SORCS1: variants seen among roughly 807,000 people sequenced by gnomAD.
The protein encoded by SORCS1 is VPS10 domain-containing receptor SorCS1.
A neutral mutation model predicts 146.1 loss-of-function variants in SORCS1; 60 were observed. That is an observed-to-expected ratio of 0.41 (90% CI 0.33 to 0.51). The LOEUF is 0.51. Ranked by LOEUF, SORCS1 falls within the 20% of genes least tolerant of loss-of-function variation. The pLI is 0.21. For missense variants in SORCS1, 1,352 were observed against 1,487.6 expected, an observed-to-expected ratio of 0.91 and a Z score of 1.50; for synonymous variants, 637 against 584.0, an observed-to-expected ratio of 1.09 and a Z score of -1.31.
chr10:106,844,204 G>A (rs1202880948), intron 2 of SORCS1, among the ~76,000 whole-genome samples: 5 of 152,130 alleles, frequency 3.3e-5, no homozygotes, highest in Admixed American at 6.5e-5. Context: ...ATGCCTATTC[G>A]TGTTCTTTGC....
chr10:106,657,661 A>ATG (rs10561308), intron 17 of SORCS1, among the ~76,000 whole-genome samples: 223 of 145,322 alleles, frequency 1.5e-3, no homozygotes, highest in Middle Eastern at 3.6e-3. Flanking sequence ...ATAACACTAT[A>ATG]TGTGTGTGTG....
intron 1 of SORCS1, among the ~76,000 whole-genome samples, chr10:107,109,431 G>T (rs1200887966): frequency 2.0e-5 from 3 of 152,216 alleles, no homozygotes; most frequent in Admixed American, 6.5e-5. Context: ...CGTATGACTT[G>T]CACCCTTTGA....
At chr10:106,939,283 T>A (rs1953911269) in intron 2 of SORCS1, among the ~76,000 whole-genome samples, 1 of 152,206 alleles carries the variant, frequency 6.6e-6, no homozygotes, top group Non-Finnish European at 1.5e-5. Context: ...AGGGTATACG[T>A]TTGGAATAAT....
At chr10:106,747,954 CTCA>C (rs1857864576) in intron 5 of SORCS1, among the ~76,000 whole-genome samples, 1 of 152,088 alleles carries the variant, frequency 6.6e-6, no homozygotes, top group Non-Finnish European at 1.5e-5. Context: ...ATAATGCCAC[CTCA>C]TTCCCATCAT....
intron 9 of SORCS1, among the ~76,000 whole-genome samples, chr10:106,689,075 T>C (rs984706000): frequency 5.9e-5 from 9 of 152,210 alleles, no homozygotes; most frequent in Non-Finnish European, 1.0e-4. Context: ...TTTCCCTAAA[T>C]CATCAAATAC....
intron 5 of SORCS1, among the ~76,000 whole-genome samples, chr10:106,731,047 C>G (rs573804129): frequency 6.6e-6 from 1 of 151,496 alleles, no homozygotes; most frequent in Non-Finnish European, 1.5e-5. Flanking sequence ...TGGTGGCTCA[C>G]GCCTGTAATC....
At chr10:107,138,102 T>G (rs1565093316) in intron 1 of SORCS1, among the ~76,000 whole-genome samples, 1 of 152,224 alleles carries the variant, frequency 6.6e-6, no homozygotes, top group Non-Finnish European at 1.5e-5. Context: ...TTTTCATTTC[T>G]GCAAATGGTA....
intron 5 of SORCS1, among the ~76,000 whole-genome samples, chr10:106,738,233 T>C (rs990251613): frequency 2.0e-5 from 3 of 152,194 alleles, no homozygotes; most frequent in Non-Finnish European, 4.4e-5. Context: ...AGAACTTTTA[T>C]AAGGAAGATG....
At position 106,910,501 on chromosome 10, in the gene SORCS1, A is replaced by G. The variant is rs561993976; in HGVS notation, c.626+46012T>C. Among the ~76,000 whole-genome samples the G allele has an allele frequency of 3.3e-5, 5 of 152,270 alleles. No homozygotes were observed. The East Asian group carries it at 9.6e-4, about 29-fold the overall frequency. On this transcript the variant is annotated intron_variant, in intron 2 of 25. Coordinates refer to ENST00000263054, the MANE Select transcript of SORCS1 (RefSeq NM_052918.5). ...GTTTGCCTTAGACAGGGGGTCATAC[A>G]AGAGGTCTCATCCCATCAGTCACTG...
intron 3 of SORCS1, among the ~76,000 whole-genome samples, chr10:106,816,488 C>G (rs1947747597): frequency 2.0e-5 from 3 of 152,186 alleles, no homozygotes; most frequent in African/African-American, 7.2e-5. Flanking sequence ...GCATACCCAG[C>G]TATGCCTAGG....
intron 2 of SORCS1, among the ~76,000 whole-genome samples, chr10:106,938,616 G>T (rs1418975159): frequency 6.6e-6 from 1 of 152,198 alleles, no homozygotes; most frequent in Non-Finnish European, 1.5e-5. Flanking sequence ...AGGAGCAATT[G>T]TATCATGTGC....
At chr10:106,728,414 G>A (rs1856360625) in intron 6 of SORCS1, among the ~76,000 whole-genome samples, 1 of 152,204 alleles carries the variant, frequency 6.6e-6, no homozygotes, top group Admixed American at 6.5e-5. Flanking sequence ...CTGAGGAGGT[G>A]GGAAAGCTGC....
chr10:107,141,588 T>G (rs1284071512), intron 1 of SORCS1, among the ~76,000 whole-genome samples: 1 of 151,544 alleles, frequency 6.6e-6, no homozygotes, highest in African/African-American at 2.4e-5. Context: ...CTGTTCCTAG[T>G]CTGTGTGTAT....
intron 1 of SORCS1, among the ~76,000 whole-genome samples, chr10:106,981,590 G>A (rs922705890): frequency 1.4e-4 from 22 of 152,298 alleles, no homozygotes; most frequent in African/African-American, 5.3e-4. Flanking sequence ...AGAGGCAGAT[G>A]ATGTAATCAC....
At chr10:107,096,732 G>A (rs1324657291) in intron 1 of SORCS1, among the ~76,000 whole-genome samples, 2 of 152,012 alleles carry the variant, frequency 1.3e-5, no homozygotes, top group African/African-American at 2.4e-5. Flanking sequence ...GGCTGGTCTC[G>A]AACTCCTGAC....
intron 3 of SORCS1, among the ~76,000 whole-genome samples, chr10:106,802,711 C>G (rs138643054): frequency 3.6e-3 from 550 of 152,206 alleles, no homozygotes; most frequent in African/African-American, 0.012. Flanking sequence ...GTTGGCCAGG[C>G]TGGTTTCGAA....
intron 1 of SORCS1, among the ~76,000 whole-genome samples, chr10:107,008,613 A>C (rs957083821): frequency 6.6e-6 from 1 of 152,214 alleles, no homozygotes; most frequent in Non-Finnish European, 1.5e-5. Context: ...TATTTCAGAG[A>C]TGGAGCTAAG....
intron 18 of SORCS1, among the ~76,000 whole-genome samples, chr10:106,647,866 A>T (rs1158729239): frequency 3.9e-5 from 6 of 151,990 alleles, no homozygotes; most frequent in Non-Finnish European, 7.4e-5. Flanking sequence ...CCGTTTTTTA[A>T]TTTTAATTTT....
intron 14 of SORCS1, among the ~76,000 whole-genome samples, chr10:106,673,459 G>A (rs771499180): frequency 1.3e-5 from 2 of 151,986 alleles, no homozygotes; most frequent in Non-Finnish European, 2.9e-5. Flanking sequence ...GATCCACTTC[G>A]CAGATAGATA....
Sources: allele counts gnomAD v4.1 joint callset (sites outside exome capture counted in the v4.1 genomes callset), GRCh38; gene constraint gnomAD v4.1.1; transcripts MANE v1.5; gene names NCBI Gene and HGNC (gene_info 2026-07-23, HGNC 2026-07-21).